GNAQ: variants seen among roughly 807,000 people sequenced by gnomAD.
The protein encoded by GNAQ is G protein subunit alpha q.
In GNAQ, 8 loss-of-function variants were observed where a neutral mutation model predicts 43.9. The ratio of observed to expected loss-of-function variants is 0.18; its 90% CI spans 0.11 to 0.33. The LOEUF is 0.33. Ranked by LOEUF, GNAQ falls within the 10% of genes least tolerant of loss-of-function variation. GNAQ has a pLI of 1.00. For missense variants in GNAQ, 158 were observed against 450.8 expected (o/e 0.35, Z 5.88); for synonymous variants, 155 against 170.7 (o/e 0.91, Z 0.71).
At chr9:77,729,997 GC>G (rs1234048953) in intron 5 of GNAQ, among the ~76,000 whole-genome samples, 1 of 152,178 alleles carries the variant, frequency 6.6e-6, no homozygotes. Context: ...TTGCTTTCAT[GC>G]AGAGTGTGGA....
At chr9:77,993,609 G>A (rs950262464) in intron 1 of GNAQ, among the ~76,000 whole-genome samples, 4 of 151,980 alleles carry the variant, frequency 2.6e-5, no homozygotes, top group African/African-American at 9.7e-5. Flanking sequence ...GGCTGAGGCA[G>A]GAGAATTGCT....
chr9:77,848,371 C>T (rs1453764064), intron 2 of GNAQ, among the ~76,000 whole-genome samples: 2 of 152,234 alleles, frequency 1.3e-5, no homozygotes, highest in Non-Finnish European at 2.9e-5. Flanking sequence ...CATACTTTCA[C>T]ATGTCGGAAT....
At chr9:77,951,766 G>A (rs1822980584) in intron 1 of GNAQ, among the ~76,000 whole-genome samples, 1 of 152,164 alleles carries the variant, frequency 6.6e-6, no homozygotes, top group South Asian at 2.1e-4. Flanking sequence ...GTGGGAAGGT[G>A]GTGAAGGGGG....
chr9:78,029,293 TA>T (rs200695330), intron 1 of GNAQ, among the ~76,000 whole-genome samples: 7 of 147,476 alleles, frequency 4.7e-5, no homozygotes, highest in African/African-American at 1.0e-4. Flanking sequence ...GGCAATAAAA[TA>T]AAAAAAAAAC....
chr9:77,831,432 A>G (rs905730244), intron 2 of GNAQ, among the ~76,000 whole-genome samples: 8 of 152,204 alleles, frequency 5.3e-5, no homozygotes, highest in African/African-American at 1.7e-4. Flanking sequence ...GCAATTTAAA[A>G]CCATCATTCA....
At chr9:77,986,947 T>C (rs1823446480) in intron 1 of GNAQ, among the ~76,000 whole-genome samples, 2 of 152,102 alleles carry the variant, frequency 1.3e-5, no homozygotes, top group Non-Finnish European at 2.9e-5. Flanking sequence ...TTATTTATCA[T>C]TATATTGATA....
intron 1 of GNAQ, among the ~76,000 whole-genome samples, chr9:77,951,054 C>T (rs924442379): frequency 6.9e-6 from 1 of 144,974 alleles, no homozygotes; most frequent in African/African-American, 2.5e-5. Context: ...GTTTAGGGCA[C>T]ATTTATAAAA....
chr9:77,902,839 T>C (rs1317874518), intron 2 of GNAQ, among the ~76,000 whole-genome samples: 2 of 152,242 alleles, frequency 1.3e-5, no homozygotes, highest in African/African-American at 4.8e-5. Context: ...TTCTTAACCA[T>C]AAGCTATGGT....
chr9:77,737,351 G>T (rs1825590223), intron 5 of GNAQ, among the ~76,000 whole-genome samples: 1 of 152,192 alleles, frequency 6.6e-6, no homozygotes, highest in Admixed American at 6.5e-5. Context: ...AAGTGATGTT[G>T]TAAGTGACGT....
At chr9:77,917,068 G>T (rs1828919992) in intron 2 of GNAQ, among the ~76,000 whole-genome samples, 1 of 152,114 alleles carries the variant, frequency 6.6e-6, no homozygotes, top group South Asian at 2.1e-4. Context: ...AGGAGATAAA[G>T]AATTATAAAG....
intron 2 of GNAQ, among the ~76,000 whole-genome samples, chr9:77,853,464 C>T (rs1036269027): frequency 6.6e-6 from 1 of 152,100 alleles, no homozygotes; most frequent in African/African-American, 2.4e-5. Context: ...ATTCTGACCT[C>T]AGTAAGTATG....
rs551433924 is a variant in GNAQ at position 77,775,823 on chromosome 9, G to A, written c.735+18640C>T. 7.2e-5 allele frequency among the ~76,000 whole-genome samples: 11 copies of A among 152,242 alleles called. No individual in the cohort carries two copies. In the East Asian group the frequency reaches 1.5e-3, roughly 21 times the overall value. Reference sequence around the variant, plus strand: ...AAAATTCAGTTTAGATACTTGGGGCGCTGAGGCACAAGAATCACTTGAACC... The same window carrying A: ...AAAATTCAGTTTAGATACTTGGGGCACTGAGGCACAAGAATCACTTGAACC... On this transcript the variant is annotated intron_variant, in intron 5 of 6. Coordinates refer to ENST00000286548, the MANE Select transcript of GNAQ (RefSeq NM_002072.5).
At chr9:77,979,865 GT>G (rs1399884329) in intron 1 of GNAQ, among the ~76,000 whole-genome samples, 1 of 152,116 alleles carries the variant, frequency 6.6e-6, no homozygotes, top group Non-Finnish European at 1.5e-5. Flanking sequence ...TTTGGTTAAT[GT>G]TTATTTGCTG....
At chr9:77,824,730 T>C (rs896381030) in intron 2 of GNAQ, among the ~76,000 whole-genome samples, 1 of 152,216 alleles carries the variant, frequency 6.6e-6, no homozygotes, top group Non-Finnish European at 1.5e-5. Flanking sequence ...TATTTCACTT[T>C]ATCAGCATGA....
At chr9:77,926,811 ATACCCAGAAATGAGAT>A (rs898585188) in intron 1 of GNAQ, among the ~76,000 whole-genome samples, 8 of 152,056 alleles carry the variant, frequency 5.3e-5, no homozygotes, top group African/African-American at 1.4e-4. Flanking sequence ...GCTCATCTAA[ATACCCAGAAATGAGAT>A]TACCCAGAAA....
At chr9:77,773,303 A>G (rs573669041) in intron 5 of GNAQ, among the ~76,000 whole-genome samples, 458 of 152,354 alleles carry the variant, frequency 3.0e-3, no homozygotes, top group Non-Finnish European at 5.1e-3. Flanking sequence ...CATAGATGAT[A>G]ATGTTTCCAA....
At chr9:77,900,172 GTA>G (rs1254003626) in intron 2 of GNAQ, among the ~76,000 whole-genome samples, 3 of 152,116 alleles carry the variant, frequency 2.0e-5, no homozygotes, top group Non-Finnish European at 4.4e-5. Context: ...CATACTTGTG[GTA>G]TATGTCTCAT....
At chr9:78,002,580 G>A (rs1345096361) in intron 1 of GNAQ, among the ~76,000 whole-genome samples, 3 of 152,126 alleles carry the variant, frequency 2.0e-5, no homozygotes, top group African/African-American at 7.2e-5. Flanking sequence ...ACTTTTCAAA[G>A]GATGACCTAG....
At chr9:77,906,626 A>T (rs920208723) in intron 2 of GNAQ, among the ~76,000 whole-genome samples, 8 of 152,238 alleles carry the variant, frequency 5.3e-5, no homozygotes, top group African/African-American at 1.9e-4. Flanking sequence ...TATTAACTGA[A>T]ATCTCCAAAT....
Sources: allele counts gnomAD v4.1 joint callset (sites outside exome capture counted in the v4.1 genomes callset), GRCh38; gene constraint gnomAD v4.1.1; transcripts MANE v1.5; gene names NCBI Gene and HGNC (gene_info 2026-07-23, HGNC 2026-07-21).